Variants in REXO4 observed in about 807,000 individuals in gnomAD.
REXO4 encodes the protein REX4 homolog, 3'-5' exonuclease.
In REXO4, 29 loss-of-function variants were observed where a neutral mutation model predicts 39.9. That is an observed-to-expected ratio of 0.73 (90% confidence interval 0.54 to 0.99). The LOEUF (loss-of-function observed/expected upper bound fraction) is 0.99, where lower values mean the gene tolerates loss of function less well. Among genes scored for constraint, REXO4 ranks in the 50% least tolerant of loss-of-function variants. REXO4 has a pLI of 0.00. For synonymous variants in REXO4, 184 were observed against 206.2 expected, an observed-to-expected ratio of 0.89 and a Z score of 0.92; for missense variants, 524 against 546.5, an observed-to-expected ratio of 0.96 and a Z score of 0.41.
rs587737000 is a variant in REXO4, at chr9:133,406,364, T to G, written c.*589A>C. 1.3e-5 allele frequency: 2 copies of G among 153,974 alleles called. No homozygotes were observed. Among genetic ancestry groups the G allele is most frequent in the East Asian group, 3.8e-4 (2 of 5,250 alleles). 9.5% of individuals were successfully genotyped at this position (153,974 alleles called of 1,614,324 possible). A position where few individuals can be genotyped will look rare whatever the true frequency, so the allele number is the denominator to read the frequency against. On this transcript the variant is annotated 3_prime_UTR_variant, in exon 8 of 8. Coordinates refer to ENST00000371942, the MANE Select transcript of REXO4 (RefSeq NM_020385.4). The stretch of plus-strand genomic sequence containing the variant: ...TCCTCGTGCTATGGGGAGAAGCCTC[T>G]GCTGGGTGACCCACCAGCCAACCCT...
intron 5 of REXO4, among the ~76,000 whole-genome samples, chr9:133,410,360 G>A (rs984559727): frequency 2.6e-5 from 4 of 152,134 alleles, no homozygotes; most frequent in East Asian, 1.9e-4. Context: ...ACACGTACTC[G>A]CTCTGCCTGA....
chr9:133,413,030 T>A, intron 2 of REXO4, 109 bp from the exon 3 acceptor site: 1 of 1,226,420 alleles, frequency 8.2e-7, no homozygotes, highest in Non-Finnish European at 1.1e-6. Context: ...ACAGCCTGCC[T>A]CTCCCACAGG....
upstream of REXO4, chr9:133,418,152 G>A: frequency 2.4e-6 from 1 of 422,178 alleles, no homozygotes; most frequent in Non-Finnish European, 4.2e-6. Flanking sequence ...AGCGGCATCC[G>A]GGGTCATCGA....
In REXO4 at chr9:133,412,454, C is replaced by A. The variant is rs782745257; in HGVS notation, c.755G>T (p.Gly252Val). 8.7e-6 allele frequency: 14 copies of A among 1,614,016 alleles called. No individual in the cohort carries two copies. The South Asian group carries it at 1.3e-4, about 15-fold the overall frequency. ...GCTCTCCTCCCCCTTAGGGCCCACG[C>A]CCACCATCTCACAGTCCAAGGCTAA... is the stretch of plus-strand genomic sequence containing the variant. ...RALALDCEMV[G>V]VGPKGEESMA... Residue 252 changes from glycine (G) to valine (V), a missense_variant, in exon 4 of 8, where the codon GGC (glycine) becomes GTC (valine). Physicochemically the swap from Gly to Val is moderately radical, Grantham distance 109. Coordinates refer to ENST00000371942, the MANE Select transcript of REXO4 (RefSeq NM_020385.4).
In REXO4 at chr9:133,407,040, G is replaced by A. The variant is rs781901365; in HGVS notation, c.1182C>T (p.Tyr394=). ...TCTCCCACTCCTTCTTCACCATGACGTACAGCCTCATTGCTGCCTGGGCAT... is the reference window on the plus strand; with the variant it reads ...TCTCCCACTCCTTCTTCACCATGACATACAGCCTCATTGCTGCCTGGGCAT... The part of the protein sequence containing the change: ...IQDAQAAMRL[Y]VMVKKEWESM... Residue 394 remains tyrosine, a synonymous_variant, in exon 8 of 8, where the codon TAC becomes TAT. Transcript: ENST00000371942. 3.1e-6 allele frequency: 5 copies of A among 1,613,324 alleles called. No individual in the cohort carries two copies. In the South Asian group the frequency reaches 3.3e-5, roughly 11 times the overall value.
chr9:133,407,379 T>C (rs1227688450), intron 7 of REXO4, among the ~76,000 whole-genome samples: 1 of 152,074 alleles, frequency 6.6e-6, no homozygotes, highest in East Asian at 1.9e-4. Context: ...GATGGCAGGT[T>C]GGGTGCTGGG....
At position 133,406,264 on chromosome 9, in the gene REXO4, C is replaced by T. The variant is rs1384487488; in HGVS notation, c.*689G>A. On this transcript the variant is annotated 3_prime_UTR_variant, in exon 8 of 8. Transcript: ENST00000371942. ...ACCGGCTAGCATCACATAGCTTCTC[C>T]AGCTCAAATAGCCCAAGGTTGGCAT... 6 of 152,506 alleles carry T rather than the reference C, an allele frequency of 3.9e-5. No homozygotes were observed. The highest frequency in any genetic ancestry group is 1.2e-4 in the African/African-American group (5 of 41,584). The allele number at this position is 152,506 out of a possible 1,614,324, so 9.4% of individuals were successfully genotyped here.
At chr9:133,408,932 CTTTGTGTGTGTGTG>C (rs1232933716) in intron 5 of REXO4, 90 bp from the exon 6 acceptor site, 12,404 of 405,230 alleles carry the variant, frequency 0.031, 839 homozygotes, top group Non-Finnish European at 0.033. Flanking sequence ...CAAGTAACAT[CTTTGTGTGTGTGTG>C]TGTGTGTGTG....
In REXO4 at chr9:133,417,861, G is replaced by C. The variant is rs368897286; in HGVS notation, c.-17C>G. The stretch of plus-strand genomic sequence containing the variant: ...CTTCCCCATCCTGCTGCCGTCCAGC[G>C]CCTGGGCCGGCGGCCACCCGAGACC... On this transcript the variant is annotated 5_prime_UTR_variant, in exon 1 of 8. Coordinates refer to ENST00000371942, the MANE Select transcript of REXO4 (RefSeq NM_020385.4). The C allele has an allele frequency of 1.8e-5, 29 of 1,593,786 alleles. No individual in the cohort carries two copies. Among genetic ancestry groups the C allele is most frequent in the Middle Eastern group, 2.2e-4 (1 of 4,550 alleles).
Position 133,407,822 on chromosome 9 carries a change from C to T in REXO4, c.1134G>A (p.Gln378=). ...ACACACTTACTGAACAGTGCTCCGC[C>T]TGCTGGACCTGGAGCCCAAGGATCT... ...SEKILGLQVQ[Q]AEHCSIQDAQ... The change falls in exon 7 of 8, where the codon CAG becomes CAA. Residue 378 remains glutamine, a synonymous_variant. Transcript: ENST00000371942. 6.2e-7 allele frequency: 1 copy of T among 1,613,972 alleles called. No individual in the cohort carries two copies. Among genetic ancestry groups the T allele is most frequent in the Non-Finnish European group, 8.5e-7 (1 of 1,179,964 alleles).
chr9:133,412,972 G>A (rs1839313705), intron 2 of REXO4, 51 bp from the exon 3 acceptor site: 1 of 1,594,860 alleles, frequency 6.3e-7, no homozygotes, highest in Non-Finnish European at 8.6e-7. Context: ...AGTGCAACTG[G>A]TGGGGTGGGG....
At chr9:133,409,007 C>G (rs35920297) in intron 5 of REXO4, among the ~76,000 whole-genome samples, 165 bp from the exon 6 acceptor site, 7,981 of 132,030 alleles carry the variant, frequency 0.06, 331 homozygotes, top group Non-Finnish European at 0.088. Flanking sequence ...GCTCTGTCAC[C>G]CAGGCTGGAA....
In REXO4 at chr9:133,411,010, C is replaced by G; in HGVS notation, c.974G>C (p.Gly325Ala). 1.9e-6 allele frequency: 3 copies of G among 1,614,092 alleles called. No individual in the cohort carries two copies. The East Asian group carries it at 6.7e-5, about 36-fold the overall frequency. ...AEMLKGRILV[G>A]HALHNDLKVL... ...CTTTAGGTCATTATGCAGAGCGTGC[C>G]CCACTAGAATTCTGCCCTTCAGCAT... is the stretch of plus-strand genomic sequence containing the variant. Residue 325 changes from glycine (G) to alanine (A), a missense_variant, in exon 5 of 8, where the codon GGG (glycine) becomes GCG (alanine). By Grantham distance (60) the Gly-to-Ala change is moderately conservative. Coordinates refer to ENST00000371942, the MANE Select transcript of REXO4 (RefSeq NM_020385.4).
chr9:133,414,931 A>G lies in REXO4; in HGVS notation c.306T>C (p.Ile102=). 6.2e-7 allele frequency: 1 copy of G among 1,613,586 alleles called. No homozygotes were observed. The highest frequency in any genetic ancestry group is 8.5e-7 in the Non-Finnish European group (1 of 1,179,938). The change falls in exon 2 of 8, where the codon ATT becomes ATC. Residue 102 remains isoleucine (I), a synonymous_variant. Coordinates refer to ENST00000371942, the MANE Select transcript of REXO4 (RefSeq NM_020385.4). ...SQMGSKKKPK[I]IQQNKKETSP... ...AGGTCTCTTTTTTGTTTTGCTGGAT[A>G]ATTTTGGGCTTCTTTTTGGAACCCA...
At position 133,412,783 on chromosome 9, in the gene REXO4, G is replaced by T; in HGVS notation, c.711C>A (p.Phe237Leu). 1 of 1,611,980 alleles carries T rather than the reference G, an allele frequency of 6.2e-7. No individual in the cohort carries two copies. Among genetic ancestry groups the T allele is most frequent in the Non-Finnish European group, 8.5e-7 (1 of 1,180,000 alleles). Residue 237 changes from phenylalanine (F) to leucine (L), a missense_variant, in exon 3 of 8, where the codon TTC becomes TTA. By Grantham distance (22) the Phe-to-Leu change is conservative (BLOSUM62 0). Transcript: ENST00000371942. ...ACTCCCTGAGACCAGCGTACCCGCC[G>T]AAGGCCTGCTCTTTCACGAGGCTGA... Reference protein sequence around the residue: ...VSLSLVKEQAFGGLTRALALD... With the variant: ...VSLSLVKEQALGGLTRALALD...
At chr9:133,410,260 C>T (rs587765982) in intron 5 of REXO4, among the ~76,000 whole-genome samples, 10 of 152,330 alleles carry the variant, frequency 6.6e-5, no homozygotes, top group Non-Finnish European at 1.2e-4. Flanking sequence ...AGACTGGCCT[C>T]CCCGCTGTTC....
At position 133,409,833 on chromosome 9, in the gene REXO4, G is replaced by T. The variant is rs192557989; in HGVS notation, c.1000-991C>A. 3.9e-5 allele frequency among the ~76,000 whole-genome samples: 6 copies of T among 152,300 alleles called. No individual in the cohort carries two copies. In the South Asian group the frequency reaches 1.0e-3, roughly 26 times the overall value. On this transcript the variant is annotated intron_variant, in intron 5 of 7. Coordinates refer to ENST00000371942, the MANE Select transcript of REXO4 (RefSeq NM_020385.4). Reference sequence around the variant, plus strand: ...CAGCCTCAGCCTCCCAAAAAGCTGCGATTACAGGCATAAGCCACTGTGTCT... The same window carrying T: ...CAGCCTCAGCCTCCCAAAAAGCTGCTATTACAGGCATAAGCCACTGTGTCT...
At chr9:133,410,952 G>A (rs1839176643) in intron 5 of REXO4, 33 bp downstream of exon 5, 2 of 1,537,368 alleles carry the variant, frequency 1.3e-6, no homozygotes, top group Non-Finnish European at 1.8e-6. Flanking sequence ...ACGGAGCAGG[G>A]GCAGGCTGAG....
intron 6 of REXO4, among the ~76,000 whole-genome samples, chr9:133,408,179 G>T (rs1455200187): frequency 6.6e-6 from 1 of 152,124 alleles, no homozygotes; most frequent in Non-Finnish European, 1.5e-5. Context: ...CTCTGGCCAG[G>T]CATGGTGGTT....
Sources: gnomAD v4.1 joint callset for allele counts (sites outside exome capture counted in the v4.1 genomes callset) on GRCh38, gnomAD v4.1.1 for gene constraint, MANE v1.5 for transcripts, NCBI Gene and HGNC (gene_info 2026-07-23, HGNC 2026-07-21) for gene names.